THSD7A: variants seen among roughly 807,000 people sequenced by gnomAD.
THSD7A encodes thrombospondin type 1 domain containing 7A.
Under a neutral mutation model 231.3 loss-of-function variants are expected in THSD7A, and 96 were observed. That is an observed-to-expected ratio of 0.41 (90% CI 0.35 to 0.49). The LOEUF (loss-of-function observed/expected upper bound fraction) is 0.49, where lower values mean the gene tolerates loss of function less well. Among genes scored for constraint, THSD7A ranks in the 20% least tolerant of loss-of-function variants. The pLI is 0.05. For synonymous variants in THSD7A, 940 were observed against 743.3 expected (o/e 1.26, Z -4.30); for missense variants, 2,290 against 2,070.2 (o/e 1.11, Z -2.06).
Position 11,425,574 on chromosome 7 carries a change from C to A in THSD7A, c.3250-745G>T, listed in dbSNP as rs147761668. The stretch of plus-strand genomic sequence containing the variant: ...CTTGGTTTCAGGTTTTTTTTTAGTA[C>A]AATGAACCAATTATGTTCTTTTTTC... On this transcript the variant is annotated intron_variant, in intron 15 of 27. Coordinates refer to ENST00000423059, the MANE Select transcript of THSD7A (RefSeq NM_015204.3). Among the ~76,000 whole-genome samples, 1,123 of 151,890 alleles carry A rather than the reference C, an allele frequency of 7.4e-3. 14 individuals carry two copies. Among genetic ancestry groups the A allele is most frequent in the African/African-American group, 0.026 (1,073 of 41,382 alleles).
At chr7:11,646,660 T>C (rs1389805793) in intron 1 of THSD7A, among the ~76,000 whole-genome samples, 1 of 152,012 alleles carries the variant, frequency 6.6e-6, no homozygotes, top group Non-Finnish European at 1.5e-5. Context: ...TATTCAACAG[T>C]CCGACTTGAT....
chr7:11,379,200 G>C lies in THSD7A; in HGVS notation c.4671C>G (p.Pro1557=), dbSNP rs760441064. Reference sequence around the variant, plus strand: ...CCTCCATGGTGGGTAATACCACCACGGGGATAAGTGTGCATTGCTCAAGGG... The same window carrying C: ...CCTCCATGGTGGGTAATACCACCACCGGGATAAGTGTGCATTGCTCAAGGG... ...NSTLEQCTLI[P]VVVLPTMEDK... is the part of the protein sequence containing the mutation. Residue 1557 remains proline (P), a synonymous_variant, in exon 26 of 28, where the codon CCC becomes CCG. Coordinates refer to ENST00000423059, the MANE Select transcript of THSD7A (RefSeq NM_015204.3). 1.2e-6 allele frequency: 2 copies of C among 1,613,636 alleles called. No individual in the cohort carries two copies. The highest frequency in any genetic ancestry group is 1.7e-6 in the Non-Finnish European group (2 of 1,179,678).
Position 11,763,893 on chromosome 7 carries a change from G to A in THSD7A, c.190+67864C>T, listed in dbSNP as rs1032485564. Among the ~76,000 whole-genome samples the A allele has an allele frequency of 2.0e-5, 3 of 152,204 alleles. No homozygotes were observed. The East Asian group carries it at 5.8e-4, about 29-fold the overall frequency. On this transcript the variant is annotated intron_variant, in intron 1 of 27. Transcript: ENST00000423059. ...AGCTATAATCTAAAATTCCTCTGTG[G>A]AGTAGTTAAAGTAAGACTATGATTA...
At chr7:11,394,723 A>G (rs1783114314) in intron 23 of THSD7A, among the ~76,000 whole-genome samples, 1 of 152,180 alleles carries the variant, frequency 6.6e-6, no homozygotes, top group South Asian at 2.1e-4. Context: ...AAAAGCATGC[A>G]GCTCCAGCTT....
chr7:11,422,102 G>A (rs535794120), intron 16 of THSD7A, among the ~76,000 whole-genome samples: 32 of 152,250 alleles, frequency 2.1e-4, no homozygotes, highest in Non-Finnish European at 4.0e-4. Flanking sequence ...TGAGTCAGAA[G>A]CCCATCACAG....
At chr7:11,417,717 T>C in intron 16 of THSD7A, 114 bp from the exon 17 acceptor site, 1 of 1,067,082 alleles carries the variant, frequency 9.4e-7, no homozygotes, top group East Asian at 2.8e-5. Flanking sequence ...TAAGACATCG[T>C]TATGGGGGTG....
chr7:11,647,151 T>C (rs1023159590), intron 1 of THSD7A, among the ~76,000 whole-genome samples: 5 of 152,072 alleles, frequency 3.3e-5, no homozygotes, highest in African/African-American at 1.2e-4. Context: ...AAGATTTTCT[T>C]ATTCTACCAT....
intron 4 of THSD7A, among the ~76,000 whole-genome samples, chr7:11,556,112 T>C (rs536169729): frequency 6.6e-6 from 1 of 151,830 alleles, no homozygotes; most frequent in Admixed American, 6.6e-5. Context: ...AAGTCTTCTA[T>C]TTATTTTTAT....
chr7:11,781,871 T>C (rs1783642265), intron 1 of THSD7A, among the ~76,000 whole-genome samples: 1 of 152,338 alleles, frequency 6.6e-6, no homozygotes, highest in African/African-American at 2.4e-5. Flanking sequence ...TTTTCTAATA[T>C]GTAGACCAGG....
chr7:11,581,236 A>T (rs1437782695), intron 4 of THSD7A, among the ~76,000 whole-genome samples: 1 of 152,052 alleles, frequency 6.6e-6, no homozygotes, highest in East Asian at 1.9e-4. Context: ...AATAGTGGGC[A>T]TTTGGGACTT....
chr7:11,633,191 T>G (rs1174994571), intron 2 of THSD7A, among the ~76,000 whole-genome samples: 2 of 152,164 alleles, frequency 1.3e-5, no homozygotes, highest in African/African-American at 4.8e-5. Context: ...TCCTTTAACA[T>G]CTTTGGTTTC....
At chr7:11,473,018 C>T (rs1006645644) in intron 8 of THSD7A, among the ~76,000 whole-genome samples, 2 of 152,116 alleles carry the variant, frequency 1.3e-5, no homozygotes, top group Admixed American at 1.3e-4. Flanking sequence ...TTAGATTCAT[C>T]ACAGCTTTAG....
At chr7:11,729,199 T>C (rs961069900) in intron 1 of THSD7A, among the ~76,000 whole-genome samples, 2 of 151,704 alleles carry the variant, frequency 1.3e-5, no homozygotes, top group Non-Finnish European at 2.9e-5. Flanking sequence ...GGTTGTTCAT[T>C]GTGGGATGCA....
chr7:11,830,734 G>C (rs552091347), intron 1 of THSD7A, among the ~76,000 whole-genome samples: 1 of 152,168 alleles, frequency 6.6e-6, no homozygotes. Flanking sequence ...TTCAGTAGTG[G>C]TGCAGAGATG....
chr7:11,446,254 A>G lies in THSD7A; in HGVS notation c.2871T>C (p.Pro957=), dbSNP rs1432375906. 1 of 1,613,400 alleles carries G rather than the reference A, an allele frequency of 6.2e-7. No homozygotes were observed. The highest frequency in any genetic ancestry group is 1.3e-5 in the African/African-American group (1 of 74,912). The part of the protein sequence containing the change: ...LYPLIETQYC[P]CDKYNAQPVG... ...CAGGTTGTGCATTATATTTGTCACA[A>G]GGACAATACTGAGTCTCAATCAGGG... The change falls in exon 13 of 28, where the codon CCT becomes CCC. Residue 957 remains proline (P), a synonymous_variant. Transcript: ENST00000423059. This position sits in a 1 kb window ranked among gnomAD's most constrained non-coding sequence, Gnocchi z 4.0.
intron 1 of THSD7A, among the ~76,000 whole-genome samples, chr7:11,774,916 G>A (rs989548674): frequency 1.2e-4 from 19 of 152,074 alleles, no homozygotes; most frequent in African/African-American, 3.9e-4. Context: ...TTAGCTGTGC[G>A]TGGTGGCATG....
intron 1 of THSD7A, among the ~76,000 whole-genome samples, chr7:11,650,692 G>A (rs1782465216): frequency 6.6e-6 from 1 of 152,028 alleles, no homozygotes; most frequent in Non-Finnish European, 1.5e-5. Context: ...TGTGAATCTG[G>A]TGAAACCTGT....
intron 4 of THSD7A, among the ~76,000 whole-genome samples, chr7:11,547,085 T>C (rs927991007): frequency 3.9e-5 from 6 of 152,186 alleles, no homozygotes; most frequent in African/African-American, 1.2e-4. Flanking sequence ...TATGACTCAC[T>C]GGCATCTCTG....
At chr7:11,464,727 A>T (rs2128299217) in intron 9 of THSD7A, among the ~76,000 whole-genome samples, 1 of 152,252 alleles carries the variant, frequency 6.6e-6, no homozygotes, top group African/African-American at 2.4e-5. Flanking sequence ...CCTACAGGAT[A>T]GAGATTGTGA....
Sources: allele counts gnomAD v4.1 joint callset (sites outside exome capture counted in the v4.1 genomes callset), GRCh38; gene constraint gnomAD v4.1.1; non-coding constraint Gnocchi (gnomAD v3.1); transcripts MANE v1.5; gene names NCBI Gene and HGNC (gene_info 2026-07-23, HGNC 2026-07-21).